Variants in KCNIP4 observed in about 807,000 individuals in gnomAD.
KCNIP4 encodes the protein potassium voltage-gated channel interacting protein 4.
KCNIP4 carries 12 observed loss-of-function variants against 34.0 expected under a neutral mutation model. The observed-to-expected ratio is 0.35, with a 90% confidence interval of 0.23 to 0.57. The LOEUF (loss-of-function observed/expected upper bound fraction) is 0.57, where lower values mean the gene tolerates loss of function less well. KCNIP4 is among the 20% of genes least tolerant of loss of function. The pLI is 0.83. For missense variants in KCNIP4, 238 were observed against 311.7 expected (o/e 0.76, Z 1.78); for synonymous variants, 124 against 102.2 (o/e 1.21, Z -1.29).
At chr4:21,813,519 C>G (rs1721789056) in intron 1 of KCNIP4, among the ~76,000 whole-genome samples, 1 of 152,100 alleles carries the variant, frequency 6.6e-6, no homozygotes, top group Non-Finnish European at 1.5e-5. Context: ...TGGTGACTAA[C>G]TTTGAAGTGT....
intron 1 of KCNIP4, among the ~76,000 whole-genome samples, chr4:21,877,428 C>G (rs1726190718): frequency 6.6e-6 from 1 of 152,002 alleles, no homozygotes; most frequent in Non-Finnish European, 1.5e-5. Context: ...AACATAGGAC[C>G]AAGGTTGGTT....
intron 1 of KCNIP4, among the ~76,000 whole-genome samples, chr4:21,027,534 G>A (rs753435487): frequency 1.3e-4 from 20 of 148,950 alleles, no homozygotes; most frequent in Non-Finnish European, 2.8e-4. Flanking sequence ...CATAATTTTG[G>A]GATTTATAAT....
chr4:20,864,112 A>ACG (rs1722548008), intron 2 of KCNIP4, among the ~76,000 whole-genome samples: 22 of 142,802 alleles, frequency 1.5e-4, no homozygotes, highest in Non-Finnish European at 3.4e-4. Context: ...ATGTATGTAT[A>ACG]CATATCCATG....
chr4:21,384,964 G>T (rs1721883779), intron 1 of KCNIP4, among the ~76,000 whole-genome samples: 1 of 152,134 alleles, frequency 6.6e-6, no homozygotes, highest in Admixed American at 6.6e-5. Flanking sequence ...GGGGCGCTTT[G>T]TCTCTTTTCT....
intron 1 of KCNIP4, among the ~76,000 whole-genome samples, chr4:21,637,609 C>T (rs1014434062): frequency 3.3e-5 from 5 of 151,730 alleles, no homozygotes; most frequent in Non-Finnish European, 7.4e-5. Context: ...ATGGTAAAAC[C>T]CTGTCTCTAC....
At chr4:21,501,248 TCACACA>T (rs34406802) in intron 1 of KCNIP4, among the ~76,000 whole-genome samples, 49 of 104,292 alleles carry the variant, frequency 4.7e-4, no homozygotes, top group African/African-American at 1.6e-3. Flanking sequence ...TCTCTCTCTC[TCACACA>T]CACACACACA....
chr4:21,832,418 G>T (rs1456472097), intron 1 of KCNIP4, among the ~76,000 whole-genome samples: 1 of 152,184 alleles, frequency 6.6e-6, no homozygotes, highest in Middle Eastern at 3.4e-3. Context: ...CAATGCCAGA[G>T]ACAGACCCAG....
intron 3 of KCNIP4, among the ~76,000 whole-genome samples, chr4:20,776,098 T>C (rs1756346071): frequency 1.3e-5 from 2 of 152,172 alleles, no homozygotes; most frequent in Admixed American, 6.5e-5. Flanking sequence ...CATTTTTCAT[T>C]TTTAGAGCTC....
intron 1 of KCNIP4, among the ~76,000 whole-genome samples, chr4:21,561,535 T>A (rs1221312187): frequency 6.6e-6 from 1 of 151,946 alleles, no homozygotes; most frequent in Non-Finnish European, 1.5e-5. Context: ...AAACAACTCA[T>A]AGGACTTGTC....
chr4:21,930,256 T>TTA (rs1325831122), intron 1 of KCNIP4, among the ~76,000 whole-genome samples: 2 of 152,126 alleles, frequency 1.3e-5, no homozygotes, highest in African/African-American at 4.8e-5. Flanking sequence ...CTGATACAGA[T>TTA]TGTCTTCTTG....
At chr4:20,857,820 G>A (rs1178434319) in intron 2 of KCNIP4, among the ~76,000 whole-genome samples, 2 of 152,086 alleles carry the variant, frequency 1.3e-5, no homozygotes, top group African/African-American at 2.4e-5. Flanking sequence ...ACTGCAGTCT[G>A]ACTTCTGGTC....
At chr4:21,187,605 T>C (rs1045871401) in intron 1 of KCNIP4, among the ~76,000 whole-genome samples, 2 of 152,198 alleles carry the variant, frequency 1.3e-5, no homozygotes, top group African/African-American at 4.8e-5. Context: ...CAGAGGAGAA[T>C]TCCTTGTCAG....
intron 1 of KCNIP4, among the ~76,000 whole-genome samples, chr4:21,140,389 A>G (rs570869205): frequency 4.1e-4 from 62 of 152,276 alleles, no homozygotes; most frequent in Non-Finnish European, 6.9e-4. Flanking sequence ...AGTGCTTACA[A>G]TCTTATCAAA....
chr4:21,809,949 C>T lies in KCNIP4; in HGVS notation c.61+138622G>A, dbSNP rs1200365341. ...GCATTAATCCAATTATCATGAAGAT[C>T]ATGTAATTGCCTCCTATGCTTAGAA... On this transcript the variant is annotated intron_variant, in intron 1 of 8. Coordinates refer to ENST00000382152, the MANE Select transcript of KCNIP4 (RefSeq NM_025221.6). Among the ~76,000 whole-genome samples, 3 of 152,152 alleles carry T rather than the reference C, an allele frequency of 2.0e-5. No homozygotes were observed. In the East Asian group the frequency reaches 5.8e-4, roughly 29 times the overall value.
chr4:21,293,948 T>C (rs1427505176), intron 1 of KCNIP4, among the ~76,000 whole-genome samples: 5 of 152,200 alleles, frequency 3.3e-5, no homozygotes. Flanking sequence ...GAGCCTTTGT[T>C]CTCCAGGTGG....
At position 21,630,692 on chromosome 4, in the gene KCNIP4, C is replaced by G. The variant is rs371056746; in HGVS notation, c.61+317879G>C. On this transcript the variant is annotated intron_variant, in intron 1 of 8. Coordinates refer to ENST00000382152, the MANE Select transcript of KCNIP4 (RefSeq NM_025221.6). ...TGCAGATACGATGATTGAAAACAAA[C>G]ACACTAACAGATATGGCCATGAAAC... 1.1e-4 allele frequency among the ~76,000 whole-genome samples: 17 copies of G among 152,220 alleles called. No individual in the cohort carries two copies. In the East Asian group the frequency reaches 2.1e-3, roughly 19 times the overall value.
At chr4:21,267,708 C>T (rs1183806255) in intron 1 of KCNIP4, among the ~76,000 whole-genome samples, 6 of 142,358 alleles carry the variant, frequency 4.2e-5, no homozygotes, top group South Asian at 4.9e-4. Context: ...CCCACTTGAT[C>T]GTGGTGGATA....
chr4:21,369,798 C>T (rs1270662464), intron 1 of KCNIP4, among the ~76,000 whole-genome samples: 4 of 137,124 alleles, frequency 2.9e-5, no homozygotes, highest in South Asian at 4.6e-4. Context: ...AAGGGAAGGG[C>T]CGAGACCTTA....
intron 1 of KCNIP4, among the ~76,000 whole-genome samples, chr4:21,083,651 A>ATTT (rs1262480430): frequency 4.6e-5 from 7 of 151,880 alleles, no homozygotes; most frequent in Non-Finnish European, 8.8e-5. Flanking sequence ...GCTGGAAGGC[A>ATTT]AGGAATGGAT....
Sources: gnomAD v4.1 joint callset for allele counts (sites outside exome capture counted in the v4.1 genomes callset) on GRCh38, gnomAD v4.1.1 for gene constraint, MANE v1.5 for transcripts, NCBI Gene and HGNC (gene_info 2026-07-23, HGNC 2026-07-21) for gene names.